ENAH: variants seen among roughly 807,000 people sequenced by gnomAD.
ENAH encodes ENAH actin regulator, also known as protein enabled homolog.
In ENAH, 23 loss-of-function variants were observed where a neutral mutation model predicts 78.7. That is an observed-to-expected ratio of 0.29 (90% CI 0.21 to 0.41). ENAH has a LOEUF of 0.41. Ranked by LOEUF, ENAH falls within the 10% of genes least tolerant of loss-of-function variation. The pLI is 1.00. For missense variants in ENAH, 544 were observed against 691.0 expected, an observed-to-expected ratio of 0.79 and a Z score of 2.39; for synonymous variants, 226 against 241.0, an observed-to-expected ratio of 0.94 and a Z score of 0.58.
At chr1:225,518,972 T>C (rs1260212316) in intron 5 of ENAH, 1 of 676,352 alleles carries the variant, frequency 1.5e-6, no homozygotes, top group Non-Finnish European at 2.3e-6. Flanking sequence ...AATGGCAGAA[T>C]AAAAATTTCC....
Position 225,493,358 on chromosome 1 carries a change from T to G in ENAH, c.*4417A>C, listed in dbSNP as rs2096232428. 6.6e-6 allele frequency: 1 copy of G among 152,232 alleles called. No individual in the cohort carries two copies. Among genetic ancestry groups the G allele is most frequent in the African/African-American group, 2.4e-5 (1 of 41,462 alleles). The allele number at this position is 152,232 out of a possible 1,614,324, so 9.4% of individuals were successfully genotyped here. On this transcript the variant is annotated 3_prime_UTR_variant, in exon 14 of 14. Transcript: ENST00000366843. Reference sequence around the variant, plus strand: ...AAGAAAACTCTTCTTTAAGTAATTGTCCTCTACTATGTCTTTACATAGCCA... The same window carrying G: ...AAGAAAACTCTTCTTTAAGTAATTGGCCTCTACTATGTCTTTACATAGCCA...
chr1:225,529,821 G>C (rs956648241), intron 4 of ENAH, among the ~76,000 whole-genome samples: 3 of 152,178 alleles, frequency 2.0e-5, no homozygotes, highest in Admixed American at 6.5e-5. Context: ...TGATTAATAA[G>C]TATATACACT....
At chr1:225,537,238 GC>G (rs1214449912) in intron 3 of ENAH, among the ~76,000 whole-genome samples, 5 of 152,080 alleles carry the variant, frequency 3.3e-5, no homozygotes, top group African/African-American at 1.2e-4. Context: ...AATCATGTTG[GC>G]AAAAAGTCAT....
intron 2 of ENAH, among the ~76,000 whole-genome samples, chr1:225,564,650 G>A (rs1575547923): frequency 6.6e-6 from 1 of 151,866 alleles, no homozygotes; most frequent in East Asian, 1.9e-4. Context: ...TGTTGACCAG[G>A]CTGGTCTTGA....
chr1:225,497,510 C>A lies in ENAH; in HGVS notation c.*265G>T, dbSNP rs1225784013. ...GCCTGATGGGTTTTAGTATTTTCTGCATAACTGTTACAGGAACTCTTAAAT... is the reference window on the plus strand; with the variant it reads ...GCCTGATGGGTTTTAGTATTTTCTGAATAACTGTTACAGGAACTCTTAAAT... On this transcript the variant is annotated 3_prime_UTR_variant, in exon 14 of 14. Transcript: ENST00000366843. 1 of 290,144 alleles carries A rather than the reference C, an allele frequency of 3.4e-6. No homozygotes were observed. The highest frequency in any genetic ancestry group is 6.4e-6 in the Non-Finnish European group (1 of 155,282). 18.0% of individuals were successfully genotyped at this position (290,144 alleles called of 1,614,324 possible). A position where few individuals can be genotyped will look rare whatever the true frequency, so the allele number is the denominator to read the frequency against.
At chr1:225,573,450 G>A (rs2096773364) in intron 1 of ENAH, among the ~76,000 whole-genome samples, 1 of 152,020 alleles carries the variant, frequency 6.6e-6, no homozygotes, top group South Asian at 2.1e-4. Flanking sequence ...ACTCTCTGAG[G>A]AGGCAATATT....
At chr1:225,626,278 C>A (rs1033425241) in intron 1 of ENAH, among the ~76,000 whole-genome samples, 6 of 152,218 alleles carry the variant, frequency 3.9e-5, no homozygotes, top group African/African-American at 1.4e-4. Context: ...ACAAAAAAAT[C>A]TTGTCTGATA....
At chr1:225,579,966 A>C (rs920511324) in intron 1 of ENAH, among the ~76,000 whole-genome samples, 1 of 152,162 alleles carries the variant, frequency 6.6e-6, no homozygotes, top group African/African-American at 2.4e-5. Flanking sequence ...GTAAGACATC[A>C]CATAGCTTCC....
At chr1:225,620,859 G>T (rs1485993085) in intron 1 of ENAH, among the ~76,000 whole-genome samples, 3 of 152,014 alleles carry the variant, frequency 2.0e-5, no homozygotes, top group Admixed American at 2.0e-4. Flanking sequence ...ACAAAAATTA[G>T]CTGGGCATGG....
intron 1 of ENAH, among the ~76,000 whole-genome samples, chr1:225,646,257 C>T (rs2148486799): frequency 6.6e-6 from 1 of 152,040 alleles, no homozygotes. Flanking sequence ...CAATGTGACT[C>T]TATTTGGAAA....
chr1:225,623,612 G>C (rs1657407772), intron 1 of ENAH, among the ~76,000 whole-genome samples: 1 of 147,338 alleles, frequency 6.8e-6, no homozygotes, highest in East Asian at 2.0e-4. Context: ...TTGAGACGGA[G>C]TCTTGCTCTG....
rs2096210445 is a variant in ENAH, at chr1:225,488,853, GC to G, written c.*8921del. 6.6e-6 allele frequency: 1 copy of G among 152,164 alleles called. No individual in the cohort carries two copies. Among genetic ancestry groups the G allele is most frequent in the Non-Finnish European group, 1.5e-5 (1 of 68,034 alleles). The allele number at this position is 152,164 out of a possible 1,614,324, so 9.4% of individuals were successfully genotyped here. A position where few individuals can be genotyped will look rare whatever the true frequency, so the allele number is the denominator to read the frequency against. On this transcript the variant is annotated 3_prime_UTR_variant, in exon 14 of 14. Coordinates refer to ENST00000366843, the MANE Select transcript of ENAH (RefSeq NM_018212.6). Reference sequence around the variant, plus strand: ...TCCTAAGACGAAGCAAAGACTCAGAGCCCTCAAATGGCACGGAAGCGGCACC... The same window carrying G: ...TCCTAAGACGAAGCAAAGACTCAGAGCCTCAAATGGCACGGAAGCGGCACC...
chr1:225,503,225 A>G (rs1317211968), intron 11 of ENAH, among the ~76,000 whole-genome samples: 4 of 152,330 alleles, frequency 2.6e-5, no homozygotes, highest in East Asian at 3.9e-4. Context: ...AAAGTTTATC[A>G]ATAACATTAT....
chr1:225,609,578 TA>T (rs2096976511), intron 1 of ENAH, among the ~76,000 whole-genome samples: 1 of 151,044 alleles, frequency 6.6e-6, no homozygotes, highest in Admixed American at 6.6e-5. Context: ...ATCTGGAAAT[TA>T]AAAACTACCA....
chr1:225,570,771 C>G (rs963980568), intron 1 of ENAH, among the ~76,000 whole-genome samples: 4 of 149,700 alleles, frequency 2.7e-5, no homozygotes, highest in Non-Finnish European at 5.9e-5. Flanking sequence ...CCAGCCTGAC[C>G]AACATGGAGA....
intron 2 of ENAH, among the ~76,000 whole-genome samples, chr1:225,564,454 A>ATTTTTT (rs71170093): frequency 5.7e-5 from 7 of 122,422 alleles, no homozygotes; most frequent in Non-Finnish European, 1.0e-4. Flanking sequence ...ATGCCCGACT[A>ATTTTTT]TTTTTTTTTT....
chr1:225,615,655 A>G (rs181915717), intron 1 of ENAH, among the ~76,000 whole-genome samples: 17,997 of 141,250 alleles, frequency 0.13, 1,841 homozygotes, highest in African/African-American at 0.3. Flanking sequence ...CTGCCCCGCC[A>G]CCCCGTCTGG....
intron 1 of ENAH, among the ~76,000 whole-genome samples, chr1:225,583,713 C>A (rs768112775): frequency 6.6e-6 from 1 of 150,982 alleles, no homozygotes; most frequent in Non-Finnish European, 1.5e-5. Context: ...GAGGCTAAGT[C>A]AGGAGAATCA....
rs1487247297 is a variant in ENAH, at chr1:225,495,290, A to T, written c.*2485T>A. The T allele has an allele frequency of 1.3e-5, 2 of 152,522 alleles. No homozygotes were observed. The highest frequency in any genetic ancestry group is 4.8e-5 in the African/African-American group (2 of 41,440). The allele number at this position is 152,522 out of a possible 1,614,324, so 9.4% of individuals were successfully genotyped here. Reference sequence around the variant, plus strand: ...TGGTTCCAAGGAACGTGGTTTTGATAAGGTAAATAACTTAGGCTTCTGTTT... The same window carrying T: ...TGGTTCCAAGGAACGTGGTTTTGATTAGGTAAATAACTTAGGCTTCTGTTT... On this transcript the variant is annotated 3_prime_UTR_variant, in exon 14 of 14. Coordinates refer to ENST00000366843, the MANE Select transcript of ENAH (RefSeq NM_018212.6).
Sources: allele counts gnomAD v4.1 joint callset (sites outside exome capture counted in the v4.1 genomes callset), GRCh38; gene constraint gnomAD v4.1.1; transcripts MANE v1.5; gene names NCBI Gene and HGNC (gene_info 2026-07-23, HGNC 2026-07-21).